Variants in ITGA6 observed in about 807,000 individuals in gnomAD.
ITGA6 encodes integrin alpha-6.
A neutral mutation model predicts 133.6 loss-of-function variants in ITGA6; 63 were observed. The observed-to-expected ratio is 0.47, with a 90% CI of 0.38 to 0.58. ITGA6 has a LOEUF of 0.58. ITGA6 is among the 20% of genes least tolerant of loss of function. The pLI, the probability that ITGA6 is intolerant of heterozygous loss-of-function variation, is 0.00. For missense variants in ITGA6, 1,068 were observed against 1,309.4 expected, an observed-to-expected ratio of 0.82 and a Z score of 2.85; for synonymous variants, 434 against 482.0, an observed-to-expected ratio of 0.90 and a Z score of 1.30.
At chr2:172,484,555 T>A (rs185875919) in intron 11 of ITGA6, among the ~76,000 whole-genome samples, 37 of 152,248 alleles carry the variant, frequency 2.4e-4, no homozygotes, top group Admixed American at 8.5e-4. Context: ...CTCCCCCAGG[T>A]GGCACAATGA....
intron 1 of ITGA6, among the ~76,000 whole-genome samples, chr2:172,454,427 G>A (rs1016798277): frequency 6.6e-5 from 10 of 152,164 alleles, no homozygotes; most frequent in African/African-American, 2.4e-4. Flanking sequence ...AGCCAGGAGA[G>A]TGGTGGTGGT....
rs2293647 is a variant in ITGA6, at chr2:172,479,952, A to C, written c.1488-38A>C. On this transcript the variant is annotated intron_variant, in intron 10 of 25. Coordinates refer to ENST00000684293, the MANE Select transcript of ITGA6 (RefSeq NM_000210.4). ...ATGTTGGGTTTTTTCCACTGCAATAATGGATCTTTTAAGAAATATGTGTTT... is the reference window on the plus strand; with the variant it reads ...ATGTTGGGTTTTTTCCACTGCAATACTGGATCTTTTAAGAAATATGTGTTT... 79,608 of 1,409,042 alleles carry C rather than the reference A, an allele frequency of 0.056. 2,909 individuals carry two copies. The highest frequency in any genetic ancestry group is 0.19 in the East Asian group (8,330 of 43,926). The allele number at this position is 1,409,042 out of a possible 1,614,324, so 87.3% of individuals were successfully genotyped here.
intron 23 of ITGA6, among the ~76,000 whole-genome samples, chr2:172,496,211 C>G (rs1344365443): frequency 6.6e-6 from 1 of 152,164 alleles, no homozygotes; most frequent in African/African-American, 2.4e-5. Flanking sequence ...CTGTGCTGAA[C>G]GCAGTAATCT....
intron 25 of ITGA6, chr2:172,503,839 C>T (rs1340220023): frequency 2.2e-5 from 6 of 276,798 alleles, no homozygotes; most frequent in Non-Finnish European, 4.0e-5. Flanking sequence ...AGGTAGCCTA[C>T]ATTTGTTATA....
At chr2:172,432,872 G>T (rs951192484) in intron 1 of ITGA6, among the ~76,000 whole-genome samples, 1 of 152,230 alleles carries the variant, frequency 6.6e-6, no homozygotes, top group African/African-American at 2.4e-5. Flanking sequence ...CTTGACAGGG[G>T]TGTGGGGGTC....
At chr2:172,480,529 G>C (rs1686394605) in intron 11 of ITGA6, among the ~76,000 whole-genome samples, 1 of 152,110 alleles carries the variant, frequency 6.6e-6, no homozygotes, top group African/African-American at 2.4e-5. Context: ...CCCGCCCTGT[G>C]TTCCCAAGAG....
intron 7 of ITGA6, 122 bp from the exon 8 acceptor site, chr2:172,475,472 CAAA>C: frequency 2.8e-6 from 2 of 722,516 alleles, no homozygotes; most frequent in South Asian, 1.6e-5. Context: ...TCAAAAAAAA[CAAA>C]AAAAAACCCC....
At chr2:172,500,621 C>A (rs1687309638) in intron 24 of ITGA6, among the ~76,000 whole-genome samples, 1 of 152,150 alleles carries the variant, frequency 6.6e-6, no homozygotes, top group South Asian at 2.1e-4. Context: ...CAGAGTGAGA[C>A]TCTGTCTCAA....
In ITGA6 at chr2:172,488,034, T is replaced by A; in HGVS notation, c.2398T>A (p.Ser800Thr). 6.2e-7 allele frequency: 1 copy of A among 1,613,966 alleles called. No homozygotes were observed. The highest frequency in any genetic ancestry group is 8.5e-7 in the Non-Finnish European group (1 of 1,179,828). Residue 800 changes from serine to threonine, a missense_variant, in exon 18 of 26, where the codon TCG (serine) becomes ACG (threonine). Coordinates refer to ENST00000684293, the MANE Select transcript of ITGA6 (RefSeq NM_000210.4). ...KVVIELLLSV[S>T]GVAKPSQVYF... ...GGTTATTGAACTGCTTTTATCGGTC[T>A]CGGGGTAAGTGTTTGTGTTTAGCAT...
intron 1 of ITGA6, among the ~76,000 whole-genome samples, chr2:172,445,750 T>C (rs1684743608): frequency 6.6e-6 from 1 of 152,178 alleles, no homozygotes; most frequent in Admixed American, 6.5e-5. Flanking sequence ...TCTGGGTAGC[T>C]GGTCTGAGGT....
At chr2:172,490,172 G>A (rs1686860184) in intron 20 of ITGA6, among the ~76,000 whole-genome samples, 1 of 152,130 alleles carries the variant, frequency 6.6e-6, no homozygotes, top group South Asian at 2.1e-4. Flanking sequence ...TTCTCTGGAT[G>A]GTCCTATGAG....
At position 172,501,791 on chromosome 2, in the gene ITGA6, A is replaced by G. The variant is rs1456256393; in HGVS notation, c.3134A>G (p.Asn1045Ser). The G allele has an allele frequency of 6.2e-7, 1 of 1,612,652 alleles. No individual in the cohort carries two copies. The highest frequency in any genetic ancestry group is 2.2e-5 in the East Asian group (1 of 44,878). Residue 1045 changes from asparagine (N) to serine (S), a missense_variant, in exon 25 of 26, where the codon AAT (asparagine) becomes AGT (serine). Around this residue, in one of 3 missense-constraint regions of ITGA6, gnomAD observed 609 missense variants for 707.2 expected, o/e 0.86. Transcript: ENST00000684293. ...TTGTAGTGTGGTTTCTTCAAGAGAA[A>G]TAAGAAAGATCATTATGATGCCACA... Reference protein sequence around the residue: ...ILWKCGFFKRNKKDHYDATYH... With the variant: ...ILWKCGFFKRSKKDHYDATYH...
At chr2:172,428,092 G>C in intron 1 of ITGA6, 122 bp downstream of exon 1, 1 of 963,702 alleles carries the variant, frequency 1.0e-6, no homozygotes. Flanking sequence ...CGCCCGGGCC[G>C]GCCGAGGCGC....
At position 172,487,450 on chromosome 2, in the gene ITGA6, C is replaced by T. The variant is rs2149073818; in HGVS notation, c.2157C>T (p.Phe719=). 4 of 1,613,826 alleles carry T rather than the reference C, an allele frequency of 2.5e-6. No individual in the cohort carries two copies. Among genetic ancestry groups the T allele is most frequent in the Non-Finnish European group, 3.4e-6 (4 of 1,179,758 alleles). The change falls in exon 15 of 26, where the codon TTC becomes TTT. Residue 719 remains phenylalanine (F), a synonymous_variant. Transcript: ENST00000684293. ...TYSAYRELRA[F]PEKQLSCVAN... ...CTGCATATAGAGAACTGAGGGCTTT[C>T]CCTGTAAGTATTGTTAGAGACCAGC... is the stretch of plus-strand genomic sequence containing the variant.
chr2:172,441,559 TAAAAAAAAAAA>T (rs57828626), intron 1 of ITGA6, among the ~76,000 whole-genome samples: 1,784 of 48,834 alleles, frequency 0.037, 55 homozygotes, highest in Admixed American at 0.12. Context: ...GCTGTCTCTT[TAAAAAAAAAAA>T]AAAAAAAAAA....
chr2:172,499,710 A>C (rs753293015), intron 24 of ITGA6, among the ~76,000 whole-genome samples: 1 of 152,144 alleles, frequency 6.6e-6, no homozygotes, highest in Non-Finnish European at 1.5e-5. Context: ...TTGATATTTG[A>C]GGATGATGTT....
intron 1 of ITGA6, among the ~76,000 whole-genome samples, chr2:172,457,177 C>T (rs756872226): frequency 2.0e-5 from 3 of 151,402 alleles, no homozygotes; most frequent in Middle Eastern, 6.9e-3. Flanking sequence ...ACCTGTAGTG[C>T]GAGCTACTGA....
chr2:172,499,543 A>G (rs1687267055), intron 24 of ITGA6, among the ~76,000 whole-genome samples: 1 of 151,754 alleles, frequency 6.6e-6, no homozygotes, highest in Non-Finnish European at 1.5e-5. Flanking sequence ...ATTTTTTTTC[A>G]TAAAGGTGAG....
At position 172,506,236 on chromosome 2, in the gene ITGA6, CTA is replaced by C. The variant is rs1444259296; in HGVS notation, c.*2169_*2170del. ...CAGCATTGTATATGTGAAGCAAACTCTAAAATTATAAATGACAACCTGAATTA... is the reference window on the plus strand; with the variant it reads ...CAGCATTGTATATGTGAAGCAAACTCAAATTATAAATGACAACCTGAATTA... On this transcript the variant is annotated 3_prime_UTR_variant, in exon 26 of 26. Coordinates refer to ENST00000684293, the MANE Select transcript of ITGA6 (RefSeq NM_000210.4). The C allele has an allele frequency of 6.6e-6, 1 of 152,564 alleles. No homozygotes were observed. The highest frequency in any genetic ancestry group is 6.5e-5 in the Admixed American group (1 of 15,270). 9.5% of individuals were successfully genotyped at this position (152,564 alleles called of 1,614,324 possible). A position where few individuals can be genotyped will look rare whatever the true frequency, so the allele number is the denominator to read the frequency against.
Sources: gnomAD v4.1 joint callset for allele counts (sites outside exome capture counted in the v4.1 genomes callset) on GRCh38, gnomAD v4.1.1 for gene constraint, gnomAD v4.1.1 regional missense constraint, MANE v1.5 for transcripts, NCBI Gene and HGNC (gene_info 2026-07-23, HGNC 2026-07-21) for gene names.